Variants in PIR observed in about 807,000 individuals in gnomAD.
PIR encodes the protein pirin, also known as pirin (iron-binding nuclear protein).
Under a neutral mutation model 24.2 loss-of-function variants are expected in PIR, and 22 were observed. The ratio of observed to expected loss-of-function variants is 0.91; its 90% CI spans 0.65 to 1.30. The LOEUF (loss-of-function observed/expected upper bound fraction) is 1.30. Among genes scored for constraint, PIR ranks in the 50% most tolerant of loss-of-function variants. The probability of loss-of-function intolerance (pLI) is 0.00; values close to 1 mark genes in which losing one functional copy is unlikely to be tolerated. For missense variants in PIR, 220 were observed against 220.3 expected, an observed-to-expected ratio of 1.00 and a Z score of 0.01; for synonymous variants, 80 against 79.6, an observed-to-expected ratio of 1.00 and a Z score of -0.03.
At chrX:15,442,632 C>T (rs1925955762) in intron 5 of PIR, among the ~76,000 whole-genome samples, 1 of 112,096 alleles carries the variant, frequency 8.9e-6, no homozygotes, top group Admixed American at 9.5e-5. Flanking sequence ...CTCCAGCGAA[C>T]ACACAGATGA....
chrX:15,428,452 A>G (rs903581623), intron 5 of PIR, among the ~76,000 whole-genome samples: 20 of 112,087 alleles, frequency 1.8e-4, no homozygotes, highest in African/African-American at 6.2e-4. Context: ...TGGTTTAAGC[A>G]TCTTTTTCAA....
chrX:15,465,953 T>C (rs1921551569), intron 3 of PIR, among the ~76,000 whole-genome samples: 1 of 110,104 alleles, frequency 9.1e-6, no homozygotes, highest in African/African-American at 3.3e-5. Context: ...ATGTTTATAT[T>C]ACAGGGAAAA....
intron 5 of PIR, among the ~76,000 whole-genome samples, chrX:15,436,860 G>A (rs1486505180): frequency 8.9e-6 from 1 of 112,287 alleles, no homozygotes; most frequent in Non-Finnish European, 1.9e-5. Flanking sequence ...TAAAATTAAT[G>A]AAGGGGGAAT....
rs948111378 is a variant in PIR, at chrX:15,493,243, C to A, written c.-106G>T. 8.9e-6 allele frequency: 1 copy of A among 112,364 alleles called. No homozygotes were observed. Among genetic ancestry groups the A allele is most frequent in the African/African-American group, 3.2e-5 (1 of 30,885 alleles). The allele number at this position is 112,364 out of a possible 1,213,427, so 9.3% of individuals were successfully genotyped here. A position where few individuals can be genotyped will look rare whatever the true frequency, so the allele number is the denominator to read the frequency against. ...CGGCGGGGGTGACGCGAAGAGCCGC[C>A]GGGAGCGAGTGCAGGGAGGGCAGGT... On this transcript the variant is annotated 5_prime_UTR_variant, in exon 1 of 10. Coordinates refer to ENST00000380420, the MANE Select transcript of PIR (RefSeq NM_001018109.3).
chrX:15,385,755 C>G (rs1028222290), intron 9 of PIR, among the ~76,000 whole-genome samples: 1 of 112,082 alleles, frequency 8.9e-6, no homozygotes, highest in Non-Finnish European at 1.9e-5. Context: ...ACTCTTTCAT[C>G]AAAGTGCAAA....
chrX:15,479,261 T>C (rs187319435), intron 3 of PIR, among the ~76,000 whole-genome samples: 1 of 111,067 alleles, frequency 9.0e-6, no homozygotes, highest in Admixed American at 9.6e-5. Context: ...TCTTAGATTG[T>C]TTTTTGGAGT....
intron 5 of PIR, 57 bp downstream of exon 5, chrX:15,455,791 G>C: frequency 4.1e-6 from 4 of 967,910 alleles, no homozygotes; most frequent in Non-Finnish European, 5.9e-6. Context: ...ATCCAGAAGG[G>C]GCCAGCCTTA....
intron 9 of PIR, among the ~76,000 whole-genome samples, chrX:15,386,903 T>C (rs907674737): frequency 9.1e-6 from 1 of 109,989 alleles, no homozygotes; most frequent in Non-Finnish European, 1.9e-5. Flanking sequence ...ATATGATTTA[T>C]AATTTTTAAA....
At chrX:15,481,733 A>G (rs1922514536) in intron 2 of PIR, among the ~76,000 whole-genome samples, 1 of 112,071 alleles carries the variant, frequency 8.9e-6, no homozygotes, top group Admixed American at 9.5e-5. Context: ...AATTTTAATG[A>G]TTCATCTGTA....
intron 3 of PIR, among the ~76,000 whole-genome samples, chrX:15,473,803 C>T (rs1308237705): frequency 8.9e-6 from 1 of 112,465 alleles, no homozygotes; most frequent in Admixed American, 9.4e-5. Context: ...GATCCGCCCG[C>T]CTCGGCCTCC....
intron 2 of PIR, among the ~76,000 whole-genome samples, chrX:15,488,435 T>C (rs1922986772): frequency 1.8e-5 from 2 of 110,800 alleles, no homozygotes; most frequent in South Asian, 3.8e-4. Flanking sequence ...AAAAATAATA[T>C]GGCAACAATC....
chrX:15,479,748 G>T lies in PIR; in HGVS notation c.170C>A (p.Pro57Gln). 1 of 1,160,106 alleles carries T rather than the reference G, an allele frequency of 8.6e-7. No homozygotes were observed. Among genetic ancestry groups the T allele is most frequent in the Non-Finnish European group, 1.2e-6 (1 of 856,091 alleles). ...GGRPGGFPDH[P>Q]HRGFETVSYL... ...ACTTACTGTTTCAAAACCTCGATGTGGATGATCAGGAAATCCTCCTGGTCT... is the reference window on the plus strand; with the variant it reads ...ACTTACTGTTTCAAAACCTCGATGTTGATGATCAGGAAATCCTCCTGGTCT... The change falls in exon 3 of 10, where the codon CCA becomes CAA. Residue 57 changes from proline (P) to glutamine (Q), a missense_variant. Physicochemically the swap from Pro to Gln is moderately conservative, Grantham distance 76. Coordinates refer to ENST00000380420, the MANE Select transcript of PIR (RefSeq NM_001018109.3).
At chrX:15,417,065 C>A (rs570286030) in intron 6 of PIR, among the ~76,000 whole-genome samples, 1 of 111,568 alleles carries the variant, frequency 9.0e-6, no homozygotes, top group Admixed American at 9.5e-5. Flanking sequence ...TCCCCGCCCC[C>A]CTCCACCCCC....
chrX:15,424,995 C>G (rs936390579), intron 6 of PIR, among the ~76,000 whole-genome samples: 1 of 105,829 alleles, frequency 9.4e-6, no homozygotes, highest in Non-Finnish European at 1.9e-5. Context: ...TGAGACCCCA[C>G]GTCTACAGAA....
At chrX:15,402,269 A>C (rs1924413808) in intron 7 of PIR, among the ~76,000 whole-genome samples, 2 of 112,045 alleles carry the variant, frequency 1.8e-5, no homozygotes, top group Non-Finnish European at 3.8e-5. Context: ...GGGTTTACTG[A>C]CTTGATTGAA....
At chrX:15,420,212 A>T (rs989661659) in intron 6 of PIR, among the ~76,000 whole-genome samples, 33 of 111,375 alleles carry the variant, frequency 3.0e-4, no homozygotes, top group African/African-American at 9.8e-4. Context: ...AACAACAACG[A>T]CAACAACAAC....
intron 6 of PIR, among the ~76,000 whole-genome samples, chrX:15,409,223 C>T (rs1924651237): frequency 9.5e-6 from 1 of 104,994 alleles, no homozygotes; most frequent in Non-Finnish European, 2.0e-5. Context: ...CTCAGCCTCC[C>T]GAGTAGCTGG....
chrX:15,490,126 A>G (rs5935988), intron 2 of PIR, among the ~76,000 whole-genome samples: 36,312 of 110,797 alleles, frequency 0.33, 4,643 homozygotes, highest in East Asian at 0.54. Context: ...TGATTTAGCC[A>G]TCCCACAATA....
At chrX:15,458,320 T>C (rs1443444254) in intron 4 of PIR, among the ~76,000 whole-genome samples, 2 of 111,751 alleles carry the variant, frequency 1.8e-5, no homozygotes, top group African/African-American at 6.5e-5. Flanking sequence ...CATTTCCTCA[T>C]TTTTAAAAAT....
Sources: allele counts gnomAD v4.1 joint callset (sites outside exome capture counted in the v4.1 genomes callset), GRCh38; gene constraint gnomAD v4.1.1; transcripts MANE v1.5; gene names NCBI Gene and HGNC (gene_info 2026-07-23, HGNC 2026-07-21).